Variants in HS6ST3 observed in about 807,000 individuals in gnomAD.
HS6ST3 encodes the protein heparan-sulfate 6-O-sulfotransferase 3.
In HS6ST3, 12 loss-of-function variants were observed where a neutral mutation model predicts 36.7. That is an observed-to-expected ratio of 0.33 (90% CI 0.21 to 0.53). The LOEUF is 0.53. HS6ST3 is among the 20% of genes least tolerant of loss of function. The probability of loss-of-function intolerance (pLI) is 0.95; values close to 1 mark genes in which losing one functional copy is unlikely to be tolerated. For synonymous variants in HS6ST3, 240 were observed against 257.5 expected (o/e 0.93, Z 0.65); for missense variants, 584 against 640.9 (o/e 0.91, Z 0.96).
intron 1 of HS6ST3, among the ~76,000 whole-genome samples, chr13:96,112,624 C>T (rs1262330995): frequency 6.3e-5 from 3 of 47,892 alleles, no homozygotes; most frequent in African/African-American, 1.3e-4. Context: ...TATATATATG[C>T]CCGGCTGGTG....
chr13:96,192,903 A>T (rs549359186), intron 1 of HS6ST3, among the ~76,000 whole-genome samples: 2 of 152,132 alleles, frequency 1.3e-5, no homozygotes, highest in African/African-American at 4.8e-5. Context: ...CAATATAAGG[A>T]CGGGTTGAAG....
In HS6ST3 at chr13:96,673,164, C is replaced by G. The variant is rs536302503; in HGVS notation, c.708-159326C>G. On this transcript the variant is annotated intron_variant, in intron 1 of 1. Coordinates refer to ENST00000376705, the MANE Select transcript of HS6ST3 (RefSeq NM_153456.4). ...AGCATCTTTAAGTCTCTCTGCTAAA[C>G]CTTCACATCACTTTCTCCTCTGTGT... Among the ~76,000 whole-genome samples the G allele has an allele frequency of 6.6e-5, 10 of 152,260 alleles. 1 individual carries two copies. The highest frequency in any genetic ancestry group is 2.4e-4 in the African/African-American group (10 of 41,558).
Position 96,100,019 on chromosome 13 carries a change from G to C in HS6ST3, c.707+8450G>C, listed in dbSNP as rs2053810341. Among the ~76,000 whole-genome samples, 3 of 152,144 alleles carry C rather than the reference G, an allele frequency of 2.0e-5. No homozygotes were observed. The South Asian group carries it at 6.2e-4, about 32-fold the overall frequency. Reference sequence around the variant, plus strand: ...AAGAACAAGGTGACATGCCAAGAAAGAGATATCACACAGTGATCATATAAA... The same window carrying C: ...AAGAACAAGGTGACATGCCAAGAAACAGATATCACACAGTGATCATATAAA... On this transcript the variant is annotated intron_variant, in intron 1 of 1. Transcript: ENST00000376705.
chr13:96,777,048 A>G (rs1236349122), intron 1 of HS6ST3, among the ~76,000 whole-genome samples: 1 of 152,258 alleles, frequency 6.6e-6, no homozygotes, highest in Non-Finnish European at 1.5e-5. Context: ...TATGCAAATC[A>G]ATAAATGTAA....
chr13:96,199,114 C>T (rs1228015001), intron 1 of HS6ST3, among the ~76,000 whole-genome samples: 2 of 152,044 alleles, frequency 1.3e-5, no homozygotes, highest in African/African-American at 2.4e-5. Context: ...ATGAGAATAG[C>T]GTGGAAAAGA....
At chr13:96,563,433 T>C (rs2056269902) in intron 1 of HS6ST3, among the ~76,000 whole-genome samples, 1 of 152,220 alleles carries the variant, frequency 6.6e-6, no homozygotes, top group South Asian at 2.1e-4. Context: ...TATTTTTTGG[T>C]CTCTGCTCCT....
chr13:96,301,201 C>T (rs2054880017), intron 1 of HS6ST3, among the ~76,000 whole-genome samples: 1 of 152,166 alleles, frequency 6.6e-6, no homozygotes, highest in South Asian at 2.1e-4. Flanking sequence ...AACTTCTAAT[C>T]CTCCTCCTAT....
At chr13:96,129,058 C>T (rs654903) in intron 1 of HS6ST3, among the ~76,000 whole-genome samples, 2 of 152,062 alleles carry the variant, frequency 1.3e-5, no homozygotes, top group African/African-American at 4.8e-5. Flanking sequence ...TGTTGGCCAG[C>T]CTCATCTCCA....
At chr13:96,398,303 G>T (rs898738263) in intron 1 of HS6ST3, among the ~76,000 whole-genome samples, 3 of 151,884 alleles carry the variant, frequency 2.0e-5, no homozygotes, top group African/African-American at 7.3e-5. Context: ...ATTTTTTTGA[G>T]ACAGAATATT....
intron 1 of HS6ST3, chr13:96,169,777 A>G (rs538605512): frequency 6.6e-6 from 1 of 152,346 alleles, no homozygotes; most frequent in East Asian, 1.9e-4. Context: ...TCCTGTGCTG[A>G]TCAGTAGTAG....
intron 1 of HS6ST3, among the ~76,000 whole-genome samples, chr13:96,480,550 T>C (rs575202757): frequency 1.1e-4 from 16 of 152,288 alleles, no homozygotes; most frequent in African/African-American, 3.1e-4. Flanking sequence ...TCTAGGCTGC[T>C]GATTCATGAG....
chr13:96,684,109 G>T (rs1350131967), intron 1 of HS6ST3, among the ~76,000 whole-genome samples: 3 of 152,176 alleles, frequency 2.0e-5, no homozygotes, highest in Admixed American at 1.3e-4. Context: ...ACACATATAT[G>T]CATTGCCCCA....
chr13:96,726,743 A>G (rs1594846059), intron 1 of HS6ST3, among the ~76,000 whole-genome samples: 1 of 151,750 alleles, frequency 6.6e-6, no homozygotes, highest in Non-Finnish European at 1.5e-5. Flanking sequence ...TTTGGAAGAT[A>G]TTTTTCTTGG....
At chr13:96,769,430 A>G (rs1877201501) in intron 1 of HS6ST3, among the ~76,000 whole-genome samples, 1 of 139,568 alleles carries the variant, frequency 7.2e-6, no homozygotes, top group Non-Finnish European at 1.6e-5. Flanking sequence ...ATATCTCCCA[A>G]TGCTATCCCT....
intron 1 of HS6ST3, among the ~76,000 whole-genome samples, chr13:96,182,344 G>T (rs773136902): frequency 2.0e-5 from 3 of 152,154 alleles, no homozygotes; most frequent in Non-Finnish European, 4.4e-5. Context: ...CCATAAAGGC[G>T]ATGTCTTAAT....
chr13:96,637,659 A>C (rs996596795), intron 1 of HS6ST3, among the ~76,000 whole-genome samples: 1 of 152,112 alleles, frequency 6.6e-6, no homozygotes, highest in Non-Finnish European at 1.5e-5. Flanking sequence ...ATATTTACTG[A>C]ATACTCTCCA....
At chr13:96,290,072 C>A (rs189628708) in intron 1 of HS6ST3, among the ~76,000 whole-genome samples, 223 of 152,218 alleles carry the variant, frequency 1.5e-3, no homozygotes, top group South Asian at 0.012. Context: ...AGCTAGCCCC[C>A]CTCTGTATCT....
intron 1 of HS6ST3, among the ~76,000 whole-genome samples, chr13:96,755,996 A>G (rs1876820238): frequency 6.6e-6 from 1 of 152,120 alleles, no homozygotes; most frequent in African/African-American, 2.4e-5. Flanking sequence ...GGGGGTTATT[A>G]GTCTTTAGTT....
intron 1 of HS6ST3, among the ~76,000 whole-genome samples, chr13:96,592,536 T>A (rs2056386319): frequency 6.6e-6 from 1 of 152,192 alleles, no homozygotes; most frequent in South Asian, 2.1e-4. Flanking sequence ...TGATTTCTTT[T>A]GGCTCATTAA....
Sources: gnomAD v4.1 joint callset for allele counts (sites outside exome capture counted in the v4.1 genomes callset) on GRCh38, gnomAD v4.1.1 for gene constraint, MANE v1.5 for transcripts, NCBI Gene and HGNC (gene_info 2026-07-23, HGNC 2026-07-21) for gene names.